Variants in STON1 observed in about 807,000 individuals in gnomAD.
The protein encoded by STON1 is stonin-1.
In STON1, 79 loss-of-function variants were observed where a neutral mutation model predicts 60.9. The ratio of observed to expected loss-of-function variants is 1.30; its 90% CI spans 1.08 to 1.56. STON1 has a LOEUF of 1.56. Among genes scored for constraint, STON1 ranks in the 40% most tolerant of loss-of-function variants. The probability of loss-of-function intolerance (pLI) is 0.00; values close to 1 mark genes in which losing one functional copy is unlikely to be tolerated. For synonymous variants in STON1, 363 were observed against 306.9 expected (o/e 1.18, Z -1.91); for missense variants, 1,166 against 858.9 (o/e 1.36, Z -4.47).
intron 1 of STON1, among the ~76,000 whole-genome samples, chr2:48,533,817 T>G (rs1430888899): frequency 6.8e-6 from 1 of 146,994 alleles, no homozygotes; most frequent in Non-Finnish European, 1.5e-5. Flanking sequence ...TTGCCCAGGC[T>G]GGAGTGCAAT....
Position 48,582,203 on chromosome 2 carries a change from G to A in STON1, c.1570G>A (p.Asp524Asn), listed in dbSNP as rs1286563681. Residue 524 changes from aspartate (D) to asparagine (N), a missense_variant, in exon 2 of 4, where the codon GAT (aspartate) becomes AAT (asparagine). By Grantham distance (23) the Asp-to-Asn change is conservative. Transcript: ENST00000404752. ...GCGTTTCAAGACTTTGTATAATGGG[G>A]ATAATCTTCCCTTTTCCTTGAAGTC... ...LMRFKTLYNG[D>N]NLPFSLKSVV... is the part of the protein sequence containing the mutation. 6 of 1,614,200 alleles carry A rather than the reference G, an allele frequency of 3.7e-6. No individual in the cohort carries two copies. The South Asian group carries it at 6.6e-5, about 18-fold the overall frequency.
chr2:48,583,891 A>G (rs1307944619), intron 2 of STON1, among the ~76,000 whole-genome samples: 1 of 151,610 alleles, frequency 6.6e-6, no homozygotes, highest in Admixed American at 6.6e-5. Flanking sequence ...AGCTGGAACT[A>G]CAGGCGCCCA....
chr2:48,560,057 A>G (rs1672547530), intron 1 of STON1, among the ~76,000 whole-genome samples: 1 of 152,214 alleles, frequency 6.6e-6, no homozygotes, highest in South Asian at 2.1e-4. Context: ...TCAAAACACT[A>G]AAAGCAATTA....
rs184577515 is a variant in STON1, at chr2:48,544,196, G to A, written c.-48+13980G>A. 2.7e-5 allele frequency among the ~76,000 whole-genome samples: 4 copies of A among 147,472 alleles called. No individual in the cohort carries two copies. The East Asian group carries it at 6.0e-4, about 22-fold the overall frequency. On this transcript the variant is annotated intron_variant, in intron 1 of 3. Transcript: ENST00000404752. ...TCTTCTCTGGATTTTGTGTGTGTGTGTGTGTCTGTCTGTCTAGACCTCTGA... is the reference window on the plus strand; with the variant it reads ...TCTTCTCTGGATTTTGTGTGTGTGTATGTGTCTGTCTGTCTAGACCTCTGA...
chr2:48,530,894 C>A (rs1449457049), intron 1 of STON1: 1 of 152,250 alleles, frequency 6.6e-6, no homozygotes, highest in East Asian at 1.9e-4. Context: ...CTCGTGGGTA[C>A]AGGGAAAAAT....
At chr2:48,570,357 A>T (rs1673139986) in intron 1 of STON1, among the ~76,000 whole-genome samples, 1 of 152,078 alleles carries the variant, frequency 6.6e-6, no homozygotes, top group African/African-American at 2.4e-5. Context: ...AAAGAATTCC[A>T]ATATGATTTC....
intron 2 of STON1, among the ~76,000 whole-genome samples, chr2:48,583,244 G>A (rs1173183485): frequency 1.3e-5 from 2 of 152,034 alleles, no homozygotes; most frequent in Non-Finnish European, 2.9e-5. Context: ...GCATACCATC[G>A]TGCCTGGCTA....
At chr2:48,556,482 C>T (rs372297095) in intron 1 of STON1, among the ~76,000 whole-genome samples, 157 of 4,298 alleles carry the variant, frequency 0.037, 9 homozygotes, top group East Asian at 0.18. Flanking sequence ...GCAGAGGCGC[C>T]CCTCACCTCC....
At chr2:48,544,673 G>A (rs1161821131) in intron 1 of STON1, among the ~76,000 whole-genome samples, 1 of 152,110 alleles carries the variant, frequency 6.6e-6, no homozygotes, top group Non-Finnish European at 1.5e-5. Context: ...AGCCTCCCGA[G>A]TAGCTGGGAT....
intron 1 of STON1, among the ~76,000 whole-genome samples, chr2:48,546,483 C>A (rs1395033959): frequency 3.3e-5 from 5 of 152,230 alleles, no homozygotes; most frequent in African/African-American, 1.2e-4. Flanking sequence ...GGACCTGCAT[C>A]TTTGTCCCCC....
At position 48,581,851 on chromosome 2, in the gene STON1, A is replaced by G. The variant is rs375059931; in HGVS notation, c.1218A>G (p.Pro406=). 2.5e-6 allele frequency: 4 copies of G among 1,614,032 alleles called. No individual in the cohort carries two copies. The highest frequency in any genetic ancestry group is 1.1e-5 in the South Asian group (1 of 91,074). Residue 406 remains proline (P), a synonymous_variant, in exon 2 of 4, where the codon CCA becomes CCG. Transcript: ENST00000404752. ...TGAAGTTGCCAGCTGTTTCAAAACCAAAAAAGAACTACGAGGAGCAAGAAA... is the reference window on the plus strand; with the variant it reads ...TGAAGTTGCCAGCTGTTTCAAAACCGAAAAAGAACTACGAGGAGCAAGAAA... ...ELMKLPAVSK[P]KKNYEEQEIS...
chr2:48,563,594 A>T (rs538340047), intron 1 of STON1, among the ~76,000 whole-genome samples: 1 of 152,290 alleles, frequency 6.6e-6, no homozygotes, highest in South Asian at 2.1e-4. Flanking sequence ...GTAAAGGTGG[A>T]CTGTGTGTTC....
chr2:48,538,308 C>A (rs541923507), intron 1 of STON1, among the ~76,000 whole-genome samples: 2 of 152,078 alleles, frequency 1.3e-5, no homozygotes, highest in Admixed American at 6.5e-5. Context: ...TTATCTGTTT[C>A]TTAAAATTTG....
At position 48,591,773 on chromosome 2, in the gene STON1, G is replaced by C. The variant is rs760139387; in HGVS notation, c.2051G>C (p.Arg684Thr). 1.2e-5 allele frequency: 20 copies of C among 1,614,154 alleles called. No individual in the cohort carries two copies. Among genetic ancestry groups the C allele is most frequent in the Middle Eastern group, 1.6e-4 (1 of 6,062 alleles). ...QFSVPDTCAS[R>T]TEVRSLGVES... The stretch of plus-strand genomic sequence containing the variant: ...TCCGTGCCTGACACCTGTGCCTCAA[G>C]GACAGAGGTCAGGTCTCTGGGAGTG... The change falls in exon 3 of 4, where the codon AGG (arginine) becomes ACG (threonine). Residue 684 changes from arginine (R) to threonine (T), a missense_variant. Transcript: ENST00000404752.
chr2:48,558,998 T>C (rs1172863138), intron 1 of STON1, among the ~76,000 whole-genome samples: 4 of 152,106 alleles, frequency 2.6e-5, no homozygotes, highest in African/African-American at 7.2e-5. Context: ...GAAATACTCA[T>C]TGGAGCATTT....
intron 3 of STON1, among the ~76,000 whole-genome samples, chr2:48,594,967 T>G (rs1674717511): frequency 6.6e-6 from 1 of 152,184 alleles, no homozygotes; most frequent in African/African-American, 2.4e-5. Context: ...ATACATTTTA[T>G]AAAAACTACG....
intron 1 of STON1, among the ~76,000 whole-genome samples, chr2:48,564,504 C>CT (rs1312263433): frequency 2.0e-4 from 5 of 25,164 alleles, no homozygotes; most frequent in Non-Finnish European, 2.2e-4. Flanking sequence ...TCTTCTTCTT[C>CT]TTCTTCTTCT....
intron 3 of STON1, among the ~76,000 whole-genome samples, chr2:48,593,175 G>A (rs953928953): frequency 1.7e-4 from 26 of 152,034 alleles, no homozygotes; most frequent in African/African-American, 4.6e-4. Context: ...GAGTGCAGTG[G>A]CATGGTCTCG....
chr2:48,590,310 T>C (rs1674438905), intron 2 of STON1, among the ~76,000 whole-genome samples: 1 of 152,176 alleles, frequency 6.6e-6, no homozygotes, highest in Non-Finnish European at 1.5e-5. Flanking sequence ...TCAAGGCTTT[T>C]TACAGCCTTA....
Sources: gnomAD v4.1 joint callset for allele counts (sites outside exome capture counted in the v4.1 genomes callset) on GRCh38, gnomAD v4.1.1 for gene constraint, MANE v1.5 for transcripts, NCBI Gene and HGNC (gene_info 2026-07-23, HGNC 2026-07-21) for gene names.